Variants in TTC39B observed in about 807,000 individuals in gnomAD.
The protein encoded by TTC39B is tetratricopeptide repeat protein 39B.
TTC39B carries 92 observed loss-of-function variants against 96.6 expected under a neutral mutation model. That is an observed-to-expected ratio of 0.95 (90% confidence interval 0.80 to 1.13). The LOEUF is 1.13. Among genes scored for constraint, TTC39B ranks in the 50% most tolerant of loss-of-function variants. The pLI is 0.00. For synonymous variants in TTC39B, 367 were observed against 299.4 expected (o/e 1.23, Z -2.33); for missense variants, 955 against 809.3 (o/e 1.18, Z -2.18).
chr9:15,218,639 T>C (rs1233737694), intron 3 of TTC39B, among the ~76,000 whole-genome samples: 1 of 139,440 alleles, frequency 7.2e-6, no homozygotes, highest in South Asian at 2.1e-4. Context: ...ATTTTAAATA[T>C]ATATATATAA....
chr9:15,199,888 T>A (rs1177226111), exon 8 of TTC39B: 1 of 1,546,600 alleles, frequency 6.5e-7, no homozygotes, highest in East Asian at 2.3e-5. Context: ...TGTTCTAATT[T>A]TGAGTCCACC....
At chr9:15,258,872 C>T (rs1414017671) in intron 2 of TTC39B, among the ~76,000 whole-genome samples, 1 of 152,264 alleles carries the variant, frequency 6.6e-6, no homozygotes, top group African/African-American at 2.4e-5. Context: ...GTGATGAAAT[C>T]TTGTCACTCC....
intron 2 of TTC39B, among the ~76,000 whole-genome samples, chr9:15,247,975 A>C (rs1822358926): frequency 1.3e-5 from 2 of 152,198 alleles, no homozygotes; most frequent in South Asian, 4.1e-4. Flanking sequence ...ATTCTGAGTG[A>C]CCCTAGGCAA....
Position 15,192,696 on chromosome 9 carries a change from CTGGGT to C in TTC39B, c.825-6_825-2del. 6.2e-7 allele frequency: 1 copy of C among 1,610,276 alleles called. No homozygotes were observed. The highest frequency in any genetic ancestry group is 1.1e-5 in the South Asian group (1 of 90,506). ...TTCATGCAGGATAGAAAGACATTCT[CTGGGT>C]TGAAGAAAAAAAGTGACAGCATAAG... On this transcript the variant is annotated splice_acceptor_variant and splice_polypyrimidine_tract_variant and intron_variant, in intron 8 of 19. Transcript: ENST00000512701. LOFTEE classifies it high-confidence loss of function.
intron 19 of TTC39B, among the ~76,000 whole-genome samples, chr9:15,173,894 A>T (rs1324623803): frequency 6.6e-6 from 1 of 152,102 alleles, no homozygotes; most frequent in Non-Finnish European, 1.5e-5. Context: ...CCCCAAATAC[A>T]TTCTTCTAAG....
At chr9:15,229,030 T>C (rs1461458001) in intron 2 of TTC39B, among the ~76,000 whole-genome samples, 3 of 152,238 alleles carry the variant, frequency 2.0e-5, no homozygotes, top group Non-Finnish European at 4.4e-5. Flanking sequence ...TGCCACAAAC[T>C]AATTTTTTTA....
intron 3 of TTC39B, among the ~76,000 whole-genome samples, chr9:15,215,262 G>T (rs933931682): frequency 1.5e-4 from 23 of 151,772 alleles, no homozygotes; most frequent in East Asian, 1.9e-4. Context: ...AATAAAATGA[G>T]GCTGGGTGTG....
intron 1 of TTC39B, among the ~76,000 whole-genome samples, chr9:15,295,828 G>T (rs565568952): frequency 6.0e-4 from 92 of 152,276 alleles, no homozygotes; most frequent in Middle Eastern, 3.4e-3. Flanking sequence ...ACTCAGTGCT[G>T]CTCTGCACAT....
At chr9:15,229,240 T>G (rs529055827) in intron 2 of TTC39B, among the ~76,000 whole-genome samples, 1 of 152,220 alleles carries the variant, frequency 6.6e-6, no homozygotes, top group Admixed American at 6.5e-5. Context: ...CTTTCCTGCA[T>G]GGATAAGCAA....
At chr9:15,188,749 C>T (rs1818683976) in intron 13 of TTC39B, among the ~76,000 whole-genome samples, 1 of 152,082 alleles carries the variant, frequency 6.6e-6, no homozygotes, top group African/African-American at 2.4e-5. Flanking sequence ...TATATGTTTA[C>T]TGGAGTTTAC....
intron 4 of TTC39B, among the ~76,000 whole-genome samples, chr9:15,212,576 C>A (rs944558911): frequency 6.6e-6 from 1 of 152,150 alleles, no homozygotes; most frequent in Admixed American, 6.5e-5. Flanking sequence ...CAGGCATGCA[C>A]CACCATGCCT....
intron 3 of TTC39B, among the ~76,000 whole-genome samples, chr9:15,218,129 C>G (rs1820626243): frequency 7.1e-6 from 1 of 141,214 alleles, no homozygotes. Flanking sequence ...GAGATCGCGC[C>G]ACTGCATTCC....
intron 2 of TTC39B, among the ~76,000 whole-genome samples, chr9:15,246,745 G>A (rs1822297109): frequency 1.3e-5 from 2 of 152,226 alleles, no homozygotes; most frequent in African/African-American, 4.8e-5. Context: ...ATTCCCAGCT[G>A]ACAACCAATA....
intron 14 of TTC39B, 152 bp downstream of exon 14, chr9:15,187,819 A>C: frequency 4.1e-6 from 3 of 732,156 alleles, no homozygotes; most frequent in Non-Finnish European, 6.2e-6. Context: ...ACCTATAAAT[A>C]GTGGGTACTT....
intron 4 of TTC39B, among the ~76,000 whole-genome samples, chr9:15,211,664 G>A (rs746156588): frequency 6.6e-6 from 1 of 152,186 alleles, no homozygotes; most frequent in Non-Finnish European, 1.5e-5. Flanking sequence ...GCAGCCTGCA[G>A]GCAGATTGCA....
At chr9:15,255,981 G>A (rs779164671) in intron 2 of TTC39B, among the ~76,000 whole-genome samples, 2 of 152,028 alleles carry the variant, frequency 1.3e-5, no homozygotes, top group Non-Finnish European at 2.9e-5. Flanking sequence ...CTACTCTGAG[G>A]ATCCACCTAT....
chr9:15,192,391 T>C (rs1466345437), intron 9 of TTC39B, among the ~76,000 whole-genome samples, 199 bp downstream of exon 9: 1 of 152,234 alleles, frequency 6.6e-6, no homozygotes, highest in African/African-American at 2.4e-5. Context: ...CCTTACATTT[T>C]ACAATCCAAA....
chr9:15,285,590 C>A (rs2131591905), intron 1 of TTC39B, among the ~76,000 whole-genome samples: 1 of 152,290 alleles, frequency 6.6e-6, no homozygotes, highest in East Asian at 1.9e-4. Flanking sequence ...AGCGGTGGCT[C>A]ACGCCTGTAA....
intron 1 of TTC39B, among the ~76,000 whole-genome samples, chr9:15,295,380 T>C (rs890923254): frequency 6.6e-6 from 1 of 152,184 alleles, no homozygotes; most frequent in Non-Finnish European, 1.5e-5. Flanking sequence ...TTAGTCAAGT[T>C]TGAGAAGTTT....
Sources: allele counts gnomAD v4.1 joint callset (sites outside exome capture counted in the v4.1 genomes callset), GRCh38; gene constraint gnomAD v4.1.1; transcripts MANE v1.5; gene names NCBI Gene and HGNC (gene_info 2026-07-23, HGNC 2026-07-21).